The following CCSER1 variants were observed in gnomAD, a reference collection of about 807,000 sequenced individuals.
CCSER1 encodes coiled-coil serine rich protein 1, also known as serine-rich coiled-coil domain-containing protein 1.
Under a neutral mutation model 82.0 loss-of-function variants are expected in CCSER1, and 41 were observed. The ratio of observed to expected loss-of-function variants is 0.50; its 90% CI spans 0.39 to 0.65. The LOEUF is 0.65. Ranked by LOEUF, CCSER1 falls within the 30% of genes least tolerant of loss-of-function variation. The probability of loss-of-function intolerance (pLI) is 0.00; values close to 1 mark genes in which losing one functional copy is unlikely to be tolerated. For synonymous variants in CCSER1, 414 were observed against 383.9 expected, an observed-to-expected ratio of 1.08 and a Z score of -0.92; for missense variants, 1,119 against 1,064.2, an observed-to-expected ratio of 1.05 and a Z score of -0.72.
chr4:91,258,915 GTAC>G (rs1202825724), intron 10 of CCSER1, among the ~76,000 whole-genome samples: 1 of 152,068 alleles, frequency 6.6e-6, no homozygotes, highest in Non-Finnish European at 1.5e-5. Flanking sequence ...CTTAATTACA[GTAC>G]TATGTTTCTT....
intron 6 of CCSER1, among the ~76,000 whole-genome samples, chr4:90,648,487 C>T (rs1253495694): frequency 2.8e-5 from 3 of 106,442 alleles, no homozygotes; most frequent in East Asian, 2.3e-4. Context: ...AATTGTATGT[C>T]CCCAAAATTA....
intron 10 of CCSER1, among the ~76,000 whole-genome samples, chr4:91,349,372 T>C (rs1296890083): frequency 6.6e-6 from 1 of 152,186 alleles, no homozygotes; most frequent in Non-Finnish European, 1.5e-5. Flanking sequence ...GACAAATTCA[T>C]CTTTAAATAA....
chr4:91,115,813 T>C (rs1179521202), intron 10 of CCSER1, among the ~76,000 whole-genome samples: 1 of 97,922 alleles, frequency 1.0e-5, no homozygotes, highest in African/African-American at 4.2e-5. Flanking sequence ...TTTCTTTTTT[T>C]TTTTTTTTTT....
chr4:90,716,076 A>G lies in CCSER1; in HGVS notation c.1933-7838A>G, dbSNP rs1741584564. ...AATAATAATATATATATTACCCTAT[A>G]TGTATAAAAATAAATAACTGTATAT... On this transcript the variant is annotated intron_variant, in intron 6 of 10. Transcript: ENST00000509176. 1.3e-5 allele frequency among the ~76,000 whole-genome samples: 2 copies of G among 151,238 alleles called. 1 individual carries two copies. Among genetic ancestry groups the G allele is most frequent in the South Asian group, 4.1e-4 (2 of 4,832 alleles).
In CCSER1 at chr4:90,773,831, A is replaced by G. The variant is rs183547143; in HGVS notation, c.2011-41931A>G. 2.9e-3 allele frequency among the ~76,000 whole-genome samples: 441 copies of G among 152,292 alleles called. 1 individual carries two copies. Among genetic ancestry groups the G allele is most frequent in the African/African-American group, 9.8e-3 (408 of 41,576 alleles). The stretch of plus-strand genomic sequence containing the variant: ...AATGTCTTGAGGTAATAGCTCACAT[A>G]TTTAGAAGAAGAAATTTAAATATTG... On this transcript the variant is annotated intron_variant, in intron 7 of 10. Coordinates refer to ENST00000509176, the MANE Select transcript of CCSER1 (RefSeq NM_001145065.2).
intron 1 of CCSER1, among the ~76,000 whole-genome samples, chr4:90,156,273 G>A (rs1435525192): frequency 6.6e-6 from 1 of 152,164 alleles, no homozygotes; most frequent in Admixed American, 6.5e-5. Context: ...TACATTTGCT[G>A]AGGAGAGTTT....
intron 4 of CCSER1, among the ~76,000 whole-genome samples, chr4:90,430,382 A>G (rs1378266902): frequency 6.6e-6 from 1 of 151,952 alleles, no homozygotes; most frequent in African/African-American, 2.4e-5. Flanking sequence ...AGGAGATTTC[A>G]GTCTTTGTAA....
At chr4:90,988,342 A>T (rs1291831964) in intron 9 of CCSER1, among the ~76,000 whole-genome samples, 8 of 109,016 alleles carry the variant, frequency 7.3e-5, no homozygotes, top group African/African-American at 2.4e-4. Context: ...CTCAAAAAAA[A>T]AAAAAAAAAA....
chr4:91,083,443 G>A (rs1187582892), intron 9 of CCSER1, among the ~76,000 whole-genome samples: 2 of 152,158 alleles, frequency 1.3e-5, no homozygotes, highest in South Asian at 2.1e-4. Context: ...AGCATTAGGA[G>A]ATATACCTAA....
At chr4:90,792,768 A>G (rs925499454) in intron 7 of CCSER1, among the ~76,000 whole-genome samples, 1 of 152,204 alleles carries the variant, frequency 6.6e-6, no homozygotes, top group African/African-American at 2.4e-5. Flanking sequence ...CCAGGCAGGC[A>G]AGGTGGGCAA....
intron 9 of CCSER1, among the ~76,000 whole-genome samples, chr4:91,047,108 G>T (rs1381242417): frequency 6.6e-6 from 1 of 152,090 alleles, no homozygotes. Flanking sequence ...AAAGTGCAAG[G>T]AATGCTGGGA....
At chr4:90,817,211 C>T (rs758455679) in intron 8 of CCSER1, among the ~76,000 whole-genome samples, 1 of 151,834 alleles carries the variant, frequency 6.6e-6, no homozygotes, top group Non-Finnish European at 1.5e-5. Context: ...TAAATATCAC[C>T]TATAGATATT....
intron 10 of CCSER1, among the ~76,000 whole-genome samples, chr4:91,307,295 T>C (rs997654514): frequency 6.6e-6 from 1 of 151,934 alleles, no homozygotes; most frequent in African/African-American, 2.4e-5. Context: ...ATCTAATATA[T>C]AACTGTCTTT....
At chr4:90,492,532 G>A (rs1437671109) in intron 5 of CCSER1, among the ~76,000 whole-genome samples, 6 of 151,996 alleles carry the variant, frequency 3.9e-5, no homozygotes, top group Non-Finnish European at 8.8e-5. Context: ...GTTGTGCTCT[G>A]ATCTTAGTTA....
chr4:91,312,169 A>T (rs1745527564), intron 10 of CCSER1, among the ~76,000 whole-genome samples: 2 of 151,846 alleles, frequency 1.3e-5, no homozygotes, highest in African/African-American at 4.8e-5. Context: ...ATCTCTAAAC[A>T]TAATAATAGT....
chr4:91,358,732 T>C (rs1749038805), intron 10 of CCSER1, among the ~76,000 whole-genome samples: 2 of 152,100 alleles, frequency 1.3e-5, no homozygotes, highest in South Asian at 4.1e-4. Context: ...TCCTTCCTGG[T>C]GTTCAGCCAC....
At chr4:91,103,937 T>C (rs1725343871) in intron 10 of CCSER1, among the ~76,000 whole-genome samples, 1 of 152,142 alleles carries the variant, frequency 6.6e-6, no homozygotes, top group African/African-American at 2.4e-5. Flanking sequence ...CTAAATTCTT[T>C]TCCTAGCAAG....
intron 3 of CCSER1, among the ~76,000 whole-genome samples, chr4:90,333,864 G>A (rs909270561): frequency 6.6e-6 from 1 of 152,114 alleles, no homozygotes; most frequent in African/African-American, 2.4e-5. Flanking sequence ...AGGTCCTGCA[G>A]GACAATTATC....
chr4:90,597,427 T>C (rs2148726948), intron 5 of CCSER1, among the ~76,000 whole-genome samples: 1 of 152,150 alleles, frequency 6.6e-6, no homozygotes, highest in Admixed American at 6.6e-5. Context: ...TACAATAAAC[T>C]GCATGTTTTT....
Sources: allele counts gnomAD v4.1 joint callset (sites outside exome capture counted in the v4.1 genomes callset), GRCh38; gene constraint gnomAD v4.1.1; transcripts MANE v1.5; gene names NCBI Gene and HGNC (gene_info 2026-07-23, HGNC 2026-07-21).